Variants in WDR11 observed in about 807,000 individuals in gnomAD.
WDR11 encodes WD repeat domain 11, also known as WD repeat-containing protein 11.
A neutral mutation model predicts 151.2 loss-of-function variants in WDR11; 83 were observed. The ratio of observed to expected loss-of-function variants is 0.55; its 90% CI spans 0.46 to 0.66. WDR11 has a LOEUF of 0.66. Ranked by LOEUF, WDR11 falls within the 30% of genes least tolerant of loss-of-function variation. The pLI is 0.00. For missense variants in WDR11, 1,301 were observed against 1,480.9 expected (o/e 0.88, Z 1.99); for synonymous variants, 484 against 533.1 (o/e 0.91, Z 1.27).
chr10:120,856,649 T>C (rs1468489546), intron 2 of WDR11, among the ~76,000 whole-genome samples: 1 of 152,138 alleles, frequency 6.6e-6, no homozygotes, highest in Non-Finnish European at 1.5e-5. Context: ...TTTTTGTTTT[T>C]GTTTCTCTGC....
At chr10:120,906,121 T>TTCC (rs1848034538) in intron 27 of WDR11, 100 bp downstream of exon 27, 10 of 1,602,310 alleles carry the variant, frequency 6.2e-6, no homozygotes, top group Non-Finnish European at 8.5e-6. Flanking sequence ...ATGTGTAAAG[T>TTCC]GAAAGGAGAA....
intron 19 of WDR11, among the ~76,000 whole-genome samples, chr10:120,898,656 A>G (rs562606975): frequency 2.6e-5 from 4 of 152,292 alleles, no homozygotes; most frequent in East Asian, 3.9e-4. Flanking sequence ...TCACGATAGT[A>G]AGTGAGTTCT....
chr10:120,906,866 C>T lies in WDR11; in HGVS notation c.3517+11C>T. 1 of 1,614,050 alleles carries T rather than the reference C, an allele frequency of 6.2e-7. No homozygotes were observed. Among genetic ancestry groups the T allele is most frequent in the South Asian group, 1.1e-5 (1 of 91,054 alleles). ...TCACTGAGGACACAGATATCCTTTG[C>T]AAGGTTGTTTGTAGTGACGAGGAAG... On this transcript the variant is annotated intron_variant, in intron 28 of 28. Transcript: ENST00000263461.
In WDR11 at chr10:120,906,041, G is replaced by T. The variant is rs1848028041; in HGVS notation, c.3437+20G>T. Reference sequence around the variant, plus strand: ...TCACAGGTAAACCGAGAGTTCACATGGGCTGCTCAGGCCTGCCCGTGAGCA... The same window carrying T: ...TCACAGGTAAACCGAGAGTTCACATTGGCTGCTCAGGCCTGCCCGTGAGCA... On this transcript the variant is annotated intron_variant, in intron 27 of 28. Transcript: ENST00000263461. 6.2e-7 allele frequency: 1 copy of T among 1,612,730 alleles called. No homozygotes were observed. The highest frequency in any genetic ancestry group is 1.7e-5 in the Admixed American group (1 of 59,994).
chr10:120,862,024 A>G (rs943501603), intron 4 of WDR11, among the ~76,000 whole-genome samples: 3 of 152,218 alleles, frequency 2.0e-5, no homozygotes, highest in Non-Finnish European at 4.4e-5. Flanking sequence ...GGTATCATCA[A>G]ATAAAATATA....
At chr10:120,893,812 T>C (rs1847509196) in intron 19 of WDR11, among the ~76,000 whole-genome samples, 1 of 151,364 alleles carries the variant, frequency 6.6e-6, no homozygotes, top group South Asian at 2.1e-4. Context: ...ATAAATGTCT[T>C]CTTTTGAGAA....
chr10:120,899,854 ACTCT>A, intron 19 of WDR11, 171 bp from the exon 20 acceptor site: 2 of 625,266 alleles, frequency 3.2e-6, no homozygotes, highest in Middle Eastern at 4.2e-4. Flanking sequence ...GAATGCAGAG[ACTCT>A]CTCTGCTCTT....
At chr10:120,898,835 A>G (rs3781246) in intron 19 of WDR11, among the ~76,000 whole-genome samples, 47,142 of 149,716 alleles carry the variant, frequency 0.31, 7,579 homozygotes, top group Admixed American at 0.42. Context: ...TTTATAAATT[A>G]CCCTGTCTCA....
chr10:120,875,740 AG>A (rs1399949422), intron 11 of WDR11, among the ~76,000 whole-genome samples: 1 of 151,912 alleles, frequency 6.6e-6, no homozygotes, highest in Non-Finnish European at 1.5e-5. Context: ...CCTCACCTCA[AG>A]TGATCCATCC....
chr10:120,902,798 G>A (rs973215102), intron 22 of WDR11, among the ~76,000 whole-genome samples: 10 of 152,090 alleles, frequency 6.6e-5, no homozygotes, highest in Non-Finnish European at 1.3e-4. Context: ...GGCAAACCAG[G>A]TAAATAATTG....
At position 120,890,905 on chromosome 10, in the gene WDR11, TA is replaced by T. The variant is rs766777317; in HGVS notation, c.2515+19del. The T allele has an allele frequency of 6.2e-7, 1 of 1,613,790 alleles. No homozygotes were observed. The highest frequency in any genetic ancestry group is 1.7e-5 in the Admixed American group (1 of 60,022). On this transcript the variant is annotated intron_variant, in intron 19 of 28. Coordinates refer to ENST00000263461, the MANE Select transcript of WDR11 (RefSeq NM_018117.12). ...GTTAACCGGTATGGAATCCTAATGA[TA>T]GGGGGCTTTGAAACCTGTCTTTACT...
intron 25 of WDR11, 48 bp from the exon 26 acceptor site, chr10:120,905,271 A>G (rs746508646): frequency 1.9e-6 from 3 of 1,587,556 alleles, no homozygotes; most frequent in African/African-American, 2.7e-5. Flanking sequence ...TGACTTCTCA[A>G]AGAAGGAGCT....
intron 28 of WDR11, chr10:120,907,544 A>G (rs1257014141): frequency 6.6e-6 from 1 of 151,274 alleles, no homozygotes; most frequent in Non-Finnish European, 1.5e-5. Context: ...TCTCATTTCT[A>G]CATGGCAGGT....
At chr10:120,858,133 A>ATT (rs34379642) in intron 2 of WDR11, among the ~76,000 whole-genome samples, 16 of 149,346 alleles carry the variant, frequency 1.1e-4, no homozygotes, top group African/African-American at 3.9e-4. Context: ...GGCATGAAGC[A>ATT]TTTTTTTTTT....
chr10:120,851,726 TTCTC>T lies in WDR11; in HGVS notation c.86+221_86+224del, dbSNP rs2133716475. ...CCCCATGCAAATACATTTCCCCTCTTTCTCGCGTATTTCTCTGCTGTTTTCTCTG... is the reference window on the plus strand; with the variant it reads ...CCCCATGCAAATACATTTCCCCTCTTGCGTATTTCTCTGCTGTTTTCTCTG... On this transcript the variant is annotated intron_variant, in intron 1 of 28. Transcript: ENST00000263461. 6 of 612,848 alleles carry T rather than the reference TTCTC, an allele frequency of 9.8e-6. No individual in the cohort carries two copies. In the South Asian group the frequency reaches 1.1e-4, roughly 12 times the overall value. 38.0% of individuals were successfully genotyped at this position (612,848 alleles called of 1,614,324 possible).
In WDR11 at chr10:120,909,118, GC is replaced by G. The variant is rs1380640846; in HGVS notation, c.*407del. ...AGATGTTTTCTCAAATATATGCTGT[GC>G]CTGTACTTATATACAGTCTTTCAAG... On this transcript the variant is annotated 3_prime_UTR_variant, in exon 29 of 29. Coordinates refer to ENST00000263461, the MANE Select transcript of WDR11 (RefSeq NM_018117.12). 2 of 247,074 alleles carry G rather than the reference GC, an allele frequency of 8.1e-6. No individual in the cohort carries two copies. Among genetic ancestry groups the G allele is most frequent in the South Asian group, 5.3e-5 (1 of 18,874 alleles). 15.3% of individuals were successfully genotyped at this position (247,074 alleles called of 1,614,324 possible). A position where few individuals can be genotyped will look rare whatever the true frequency, so the allele number is the denominator to read the frequency against.
At position 120,862,878 on chromosome 10, in the gene WDR11, G is replaced by T. The variant is rs778534200; in HGVS notation, c.670G>T (p.Ala224Ser). ...GGCCACAGCCACAGGTGCCAAGAAA[G>T]CTCTAAATAAAGTAAAAATTTTAAT... ...KLATATGAKK[A>S]LNKVKILITQ... Residue 224 changes from alanine (A) to serine (S), a missense_variant, in exon 5 of 29, where the codon GCT (alanine) becomes TCT (serine). Ala to Ser is a moderately conservative substitution (Grantham distance 99). Transcript: ENST00000263461. 5 of 1,613,970 alleles carry T rather than the reference G, an allele frequency of 3.1e-6. No homozygotes were observed. Among genetic ancestry groups the T allele is most frequent in the Non-Finnish European group, 3.4e-6 (4 of 1,179,942 alleles).
Position 120,871,187 on chromosome 10 carries a change from G to A in WDR11, c.1312G>A (p.Gly438Arg), listed in dbSNP as rs1846524878. The A allele has an allele frequency of 4.3e-6, 7 of 1,613,946 alleles. No individual in the cohort carries two copies. Among genetic ancestry groups the A allele is most frequent in the African/African-American group, 1.3e-5 (1 of 74,904 alleles). ...DNMIGQSAIAGEEHPRGSILR... is the reference protein window; with the variant it reads ...DNMIGQSAIAREEHPRGSILR... ...CAAATCAGGGCAAAGTGCAATTGCT[G>A]GGGAAGAACATCCCAGAGGTTCAAT... Residue 438 changes from glycine to arginine, a missense_variant, in exon 10 of 29, where the codon GGG becomes AGG. Physicochemically the swap from Gly to Arg is moderately radical, Grantham distance 125. This residue lies in a region of WDR11 where 692 missense variants were observed against 762.5 expected (regional missense o/e 0.91). Transcript: ENST00000263461.
At chr10:120,879,560 G>A (rs1447659063) in intron 12 of WDR11, 1 of 152,154 alleles carries the variant, frequency 6.6e-6, no homozygotes, top group African/African-American at 2.4e-5. Context: ...AGGACTGTTA[G>A]ATAACTTAAA....
Sources: gnomAD v4.1 joint callset for allele counts (sites outside exome capture counted in the v4.1 genomes callset) on GRCh38, gnomAD v4.1.1 for gene constraint, gnomAD v4.1.1 regional missense constraint, MANE v1.5 for transcripts, NCBI Gene and HGNC (gene_info 2026-07-23, HGNC 2026-07-21) for gene names.